MAD1L1: variants seen among roughly 807,000 people sequenced by gnomAD.
MAD1L1 encodes the protein mitotic arrest deficient 1 like 1, also known as mitotic spindle assembly checkpoint protein MAD1.
MAD1L1 carries 95 observed loss-of-function variants against 96.9 expected under a neutral mutation model. The observed-to-expected ratio is 0.98, with a 90% CI of 0.83 to 1.16. The LOEUF (loss-of-function observed/expected upper bound fraction) is 1.16. Ranked by LOEUF, MAD1L1 falls within the 50% of genes most tolerant of loss-of-function variation. The pLI, the probability that MAD1L1 is intolerant of heterozygous loss-of-function variation, is 0.00. For missense variants in MAD1L1, 1,007 were observed against 954.4 expected (o/e 1.06, Z -0.73); for synonymous variants, 473 against 396.6 (o/e 1.19, Z -2.29).
At position 1,852,944 on chromosome 7, in the gene MAD1L1, G is replaced by A. The variant is rs547007469; in HGVS notation, c.1999-36716C>T. On this transcript the variant is annotated intron_variant, in intron 18 of 18. Transcript: ENST00000265854. ...CTGCATCATTTATCCGGGCCTTCACGTGCTCCTCTAGCACGCACCAAGCAC... is the reference window on the plus strand; with the variant it reads ...CTGCATCATTTATCCGGGCCTTCACATGCTCCTCTAGCACGCACCAAGCAC... Among the ~76,000 whole-genome samples the A allele has an allele frequency of 5.3e-5, 8 of 152,300 alleles. No homozygotes were observed. In the East Asian group the frequency reaches 7.7e-4, roughly 15 times the overall value.
chr7:2,056,621 G>A (rs905675265), intron 12 of MAD1L1, among the ~76,000 whole-genome samples: 1 of 152,134 alleles, frequency 6.6e-6, no homozygotes, highest in Non-Finnish European at 1.5e-5. Context: ...TGCTCACCTC[G>A]AACCAAGGCC....
At chr7:2,100,964 T>C (rs1786752938) in intron 11 of MAD1L1, among the ~76,000 whole-genome samples, 1 of 152,190 alleles carries the variant, frequency 6.6e-6, no homozygotes, top group South Asian at 2.1e-4. Context: ...ATCATTTCTG[T>C]AACAGTGCAG....
At chr7:1,841,675 G>A (rs538103289) in intron 18 of MAD1L1, among the ~76,000 whole-genome samples, 8 of 152,336 alleles carry the variant, frequency 5.3e-5, no homozygotes, top group Non-Finnish European at 8.8e-5. Flanking sequence ...GGGCCAGTCC[G>A]GCCTTCCCGG....
rs138956736 is a variant in MAD1L1 at position 2,077,907 on chromosome 7, A to G, written c.1074-8569T>C. 3.9e-3 allele frequency among the ~76,000 whole-genome samples: 592 copies of G among 152,354 alleles called. 5 individuals are homozygous for G. Among genetic ancestry groups the G allele is most frequent in the African/African-American group, 0.013 (560 of 41,590 alleles). ...ACAGGCGCCCGTCGGGGAGCCTCGC[A>G]GCAGCCTGGATCTAGAGGCAAAATT... On this transcript the variant is annotated intron_variant, in intron 11 of 18. Coordinates refer to ENST00000265854, the MANE Select transcript of MAD1L1 (RefSeq NM_001013836.2).
chr7:2,223,830 G>A (rs1423323549), intron 4 of MAD1L1, among the ~76,000 whole-genome samples: 1 of 124,104 alleles, frequency 8.1e-6, no homozygotes, highest in East Asian at 2.3e-4. Context: ...TTGGACTTCA[G>A]ACACTTAAGT....
intron 11 of MAD1L1, among the ~76,000 whole-genome samples, chr7:2,101,860 C>T (rs563828962): frequency 1.8e-4 from 27 of 152,176 alleles, no homozygotes; most frequent in African/African-American, 9.7e-5. Context: ...AGCTGGCCCA[C>T]GCCTGACACA....
At chr7:2,050,076 ACGGGGCACC>A (rs1784101849) in intron 12 of MAD1L1, among the ~76,000 whole-genome samples, 2 of 129,216 alleles carry the variant, frequency 1.5e-5, no homozygotes, top group African/African-American at 2.9e-5. Flanking sequence ...CCACACGTTC[ACGGGGCACC>A]TCACCCAGCG....
chr7:2,173,608 G>T (rs1790813908), intron 10 of MAD1L1, among the ~76,000 whole-genome samples: 1 of 152,138 alleles, frequency 6.6e-6, no homozygotes, highest in Admixed American at 6.5e-5. Context: ...TCGTCTTTGG[G>T]GAGACTTTCT....
chr7:2,192,926 A>C (rs1434304570), intron 10 of MAD1L1, among the ~76,000 whole-genome samples: 2 of 152,214 alleles, frequency 1.3e-5, no homozygotes, highest in African/African-American at 4.8e-5. Context: ...AAAAGGAAAA[A>C]ACTGTGAACT....
intron 11 of MAD1L1, chr7:2,079,680 A>T: frequency 2.1e-6 from 1 of 471,032 alleles, no homozygotes; most frequent in South Asian, 1.5e-5. Flanking sequence ...AATCCAGTTT[A>T]GCTGATCAGC....
intron 10 of MAD1L1, among the ~76,000 whole-genome samples, chr7:2,195,655 C>T (rs1791949595): frequency 6.6e-6 from 1 of 152,236 alleles, no homozygotes; most frequent in Non-Finnish European, 1.5e-5. Flanking sequence ...TCTAACTCAG[C>T]CACCTCCGCG....
Position 2,142,768 on chromosome 7 carries a change from T to C in MAD1L1, c.1073+6384A>G, listed in dbSNP as rs1298172317. On this transcript the variant is annotated intron_variant, in intron 11 of 18. Transcript: ENST00000265854. This position sits in a 1 kb window ranked among gnomAD's most constrained non-coding sequence, Gnocchi z 4.7. ...ATGTCAAACCCCAGGGGCCCCCTTATGCCGAGAGCAGGTGGTCAGGTTGAG... is the reference window on the plus strand; with the variant it reads ...ATGTCAAACCCCAGGGGCCCCCTTACGCCGAGAGCAGGTGGTCAGGTTGAG... Among the ~76,000 whole-genome samples, 1 of 152,224 alleles carries C rather than the reference T, an allele frequency of 6.6e-6. No individual in the cohort carries two copies. The highest frequency in any genetic ancestry group is 1.5e-5 in the Non-Finnish European group (1 of 68,030).
chr7:2,047,339 G>A (rs1355381768), intron 12 of MAD1L1, among the ~76,000 whole-genome samples: 5 of 152,208 alleles, frequency 3.3e-5, no homozygotes, highest in Non-Finnish European at 5.9e-5. Context: ...GATTGCTTCC[G>A]TCTGGAAGAA....
chr7:2,162,474 T>G (rs1277361905), intron 10 of MAD1L1, among the ~76,000 whole-genome samples: 2 of 152,148 alleles, frequency 1.3e-5, no homozygotes, highest in East Asian at 3.9e-4. Flanking sequence ...GACCTCTGCC[T>G]AGGAAAACCA....
At chr7:1,818,285 G>C (rs1781933483) in intron 18 of MAD1L1, among the ~76,000 whole-genome samples, 3 of 152,266 alleles carry the variant, frequency 2.0e-5, no homozygotes, top group Admixed American at 6.5e-5. Context: ...CTGTGGTGCA[G>C]ACTCTGGCCA....
chr7:1,885,827 G>A (rs1031161033), intron 18 of MAD1L1, among the ~76,000 whole-genome samples: 2 of 152,174 alleles, frequency 1.3e-5, no homozygotes, highest in African/African-American at 2.4e-5. Context: ...CTGGCCCCTA[G>A]GCCGGGTGGG....
chr7:2,102,235 C>T (rs1240323318), intron 11 of MAD1L1, among the ~76,000 whole-genome samples: 1 of 150,220 alleles, frequency 6.7e-6, no homozygotes, highest in Non-Finnish European at 1.5e-5. Flanking sequence ...GCCACCGCCA[C>T]CACCACCACC....
chr7:2,127,053 C>T (rs6974335), intron 11 of MAD1L1, among the ~76,000 whole-genome samples: 7,634 of 152,250 alleles, frequency 0.05, 621 homozygotes, highest in African/African-American at 0.17. Context: ...ACAGAGCAGA[C>T]GCGGGTGGGA....
chr7:1,953,866 G>A (rs1779610394), intron 16 of MAD1L1, among the ~76,000 whole-genome samples: 2 of 152,244 alleles, frequency 1.3e-5, no homozygotes, highest in African/African-American at 4.8e-5. Context: ...GCCGGCCCAG[G>A]CTGCACACTT....
Sources: allele counts gnomAD v4.1 joint callset (sites outside exome capture counted in the v4.1 genomes callset), GRCh38; gene constraint gnomAD v4.1.1; non-coding constraint Gnocchi (gnomAD v3.1); transcripts MANE v1.5; gene names NCBI Gene and HGNC (gene_info 2026-07-23, HGNC 2026-07-21).